Variants in RASAL2 observed in about 807,000 individuals in gnomAD.
RASAL2 encodes the protein ras GTPase-activating protein nGAP.
RASAL2 carries 58 observed loss-of-function variants against 128.9 expected under a neutral mutation model. The ratio of observed to expected loss-of-function variants is 0.45; its 90% CI spans 0.36 to 0.56. The LOEUF (loss-of-function observed/expected upper bound fraction) is 0.56, where lower values mean the gene tolerates loss of function less well. RASAL2 is among the 20% of genes least tolerant of loss of function. The pLI is 0.00. For missense variants in RASAL2, 1,360 were observed against 1,601.6 expected, an observed-to-expected ratio of 0.85 and a Z score of 2.57; for synonymous variants, 561 against 580.8, an observed-to-expected ratio of 0.97 and a Z score of 0.49.
At position 178,153,486 on chromosome 1, in the gene RASAL2, T is replaced by G. The variant is rs170288; in HGVS notation, c.202+58792T>G. 3.9e-5 allele frequency among the ~76,000 whole-genome samples: 6 copies of G among 152,286 alleles called. No individual in the cohort carries two copies. In the East Asian group the frequency reaches 1.2e-3, roughly 29 times the overall value. ...GTAAGTCCTTATTTTCACCCCCAGA[T>G]GTAGACAACCACTAATCTACTTCTG... is the stretch of plus-strand genomic sequence containing the variant. On this transcript the variant is annotated intron_variant, in intron 1 of 17. Coordinates refer to ENST00000367649, the MANE Select transcript of RASAL2 (RefSeq NM_170692.4).
intron 3 of RASAL2, among the ~76,000 whole-genome samples, chr1:178,362,902 T>C (rs1406354026): frequency 2.6e-5 from 4 of 152,202 alleles, no homozygotes; most frequent in African/African-American, 9.7e-5. Context: ...ATAGTTTCTT[T>C]ATTCGTCAAC....
At chr1:178,157,288 C>G (rs1255145470) in intron 1 of RASAL2, among the ~76,000 whole-genome samples, 2 of 152,086 alleles carry the variant, frequency 1.3e-5, no homozygotes, top group African/African-American at 4.8e-5. Context: ...TGTGCTTTGC[C>G]TTGTGGAGGA....
intron 3 of RASAL2, among the ~76,000 whole-genome samples, chr1:178,358,613 T>C (rs1432879144): frequency 2.0e-5 from 3 of 152,210 alleles, no homozygotes; most frequent in Admixed American, 1.3e-4. Flanking sequence ...AACCATCTTA[T>C]CTTCATTCCA....
At chr1:178,109,563 A>G (rs1256516987) in intron 1 of RASAL2, among the ~76,000 whole-genome samples, 2 of 152,154 alleles carry the variant, frequency 1.3e-5, no homozygotes, top group Non-Finnish European at 2.9e-5. Flanking sequence ...CAGAAACTTA[A>G]AGTATGATTC....
At chr1:178,249,044 T>C (rs981542104) in intron 1 of RASAL2, among the ~76,000 whole-genome samples, 1 of 152,176 alleles carries the variant, frequency 6.6e-6, no homozygotes, top group Non-Finnish European at 1.5e-5. Flanking sequence ...AAGGAGTATC[T>C]TTGTGGTGTT....
intron 2 of RASAL2, among the ~76,000 whole-genome samples, chr1:178,286,783 C>G (rs1667050908): frequency 6.6e-6 from 1 of 152,114 alleles, no homozygotes; most frequent in African/African-American, 2.4e-5. Flanking sequence ...ATCTCCAAGA[C>G]TACTCCAGTT....
intron 4 of RASAL2, among the ~76,000 whole-genome samples, chr1:178,401,410 G>A (rs1673619696): frequency 1.3e-5 from 2 of 152,214 alleles, no homozygotes; most frequent in Admixed American, 6.5e-5. Flanking sequence ...CTCATGGGGA[G>A]TATCTTAGTT....
At chr1:178,107,034 A>G (rs184276292) in intron 1 of RASAL2, among the ~76,000 whole-genome samples, 37 of 152,292 alleles carry the variant, frequency 2.4e-4, no homozygotes, top group African/African-American at 8.2e-4. Flanking sequence ...ATGTTTTTAC[A>G]GAGTTGCTTT....
At chr1:178,305,401 G>A (rs1667940598) in intron 3 of RASAL2, among the ~76,000 whole-genome samples, 1 of 152,108 alleles carries the variant, frequency 6.6e-6, no homozygotes, top group Non-Finnish European at 1.5e-5. Context: ...TCAAATTACA[G>A]TACAGAGGTA....
chr1:178,344,134 A>T (rs928781387), intron 3 of RASAL2, among the ~76,000 whole-genome samples: 4 of 152,068 alleles, frequency 2.6e-5, no homozygotes, highest in South Asian at 2.1e-4. Flanking sequence ...CTGTTTTAAA[A>T]TTTTTTCCCA....
At position 178,376,101 on chromosome 1, in the gene RASAL2, G is replaced by T. The variant is rs1049241427; in HGVS notation, c.458-13999G>T. Reference sequence around the variant, plus strand: ...GAATGACCGTAAATGTGGGAGGAAAGCCAGGATGGTGTGGTATTACAGGTG... The same window carrying T: ...GAATGACCGTAAATGTGGGAGGAAATCCAGGATGGTGTGGTATTACAGGTG... On this transcript the variant is annotated intron_variant, in intron 3 of 17. Transcript: ENST00000367649. Among the ~76,000 whole-genome samples the T allele has an allele frequency of 3.9e-5, 6 of 152,214 alleles. No homozygotes were observed. The East Asian group carries it at 1.2e-3, about 29-fold the overall frequency.
chr1:178,472,324 A>T (rs972261012), intron 17 of RASAL2, among the ~76,000 whole-genome samples: 2 of 151,858 alleles, frequency 1.3e-5, no homozygotes, highest in Admixed American at 1.3e-4. Context: ...TTTTTTTCAG[A>T]GACTCAAAAG....
intron 4 of RASAL2, among the ~76,000 whole-genome samples, chr1:178,409,185 G>A (rs1674195143): frequency 1.3e-5 from 2 of 152,188 alleles, no homozygotes; most frequent in African/African-American, 4.8e-5. Context: ...TCTCATGATA[G>A]TGAGTGAGTG....
At chr1:178,281,797 C>G (rs1270115030) in intron 1 of RASAL2, among the ~76,000 whole-genome samples, 3 of 152,056 alleles carry the variant, frequency 2.0e-5, no homozygotes, top group African/African-American at 7.2e-5. Flanking sequence ...TAAAAATAGG[C>G]CTACGTGTGG....
intron 3 of RASAL2, among the ~76,000 whole-genome samples, chr1:178,326,992 A>G (rs1571864301): frequency 6.6e-6 from 1 of 152,208 alleles, no homozygotes; most frequent in Admixed American, 6.5e-5. Flanking sequence ...AAACCATGCT[A>G]CAATATAAAT....
intron 1 of RASAL2, among the ~76,000 whole-genome samples, chr1:178,197,959 C>T (rs1317712949): frequency 6.6e-6 from 1 of 152,114 alleles, no homozygotes; most frequent in Non-Finnish European, 1.5e-5. Context: ...GTTTGGTTTT[C>T]TGTCCTTGGA....
chr1:178,213,757 G>T (rs1308099545), intron 1 of RASAL2, among the ~76,000 whole-genome samples: 1 of 151,610 alleles, frequency 6.6e-6, no homozygotes, highest in Non-Finnish European at 1.5e-5. Flanking sequence ...AGTGGGGGAA[G>T]GAGCAACAAA....
intron 1 of RASAL2, among the ~76,000 whole-genome samples, chr1:178,282,646 C>G (rs1329039678): frequency 1.3e-5 from 2 of 152,104 alleles, no homozygotes; most frequent in Non-Finnish European, 2.9e-5. Context: ...GTTTTCTAAT[C>G]TTTTCAATTT....
intron 1 of RASAL2, among the ~76,000 whole-genome samples, chr1:178,254,702 C>T (rs1665238052): frequency 6.6e-6 from 1 of 152,264 alleles, no homozygotes; most frequent in Non-Finnish European, 1.5e-5. Context: ...GGAATTCTTT[C>T]TTCTCAGGAA....
Sources: allele counts gnomAD v4.1 joint callset (sites outside exome capture counted in the v4.1 genomes callset), GRCh38; gene constraint gnomAD v4.1.1; transcripts MANE v1.5; gene names NCBI Gene and HGNC (gene_info 2026-07-23, HGNC 2026-07-21).